Variants in XKR9 observed in about 807,000 individuals in gnomAD.
The protein encoded by XKR9 is XK related 9.
Under a neutral mutation model 32.0 loss-of-function variants are expected in XKR9, and 32 were observed. That is an observed-to-expected ratio of 1.00 (90% CI 0.76 to 1.34). XKR9 has a LOEUF of 1.34. Ranked by LOEUF, XKR9 falls within the 40% of genes most tolerant of loss-of-function variation. The pLI, the probability that XKR9 is intolerant of heterozygous loss-of-function variation, is 0.00. For missense variants in XKR9, 546 were observed against 429.7 expected, an observed-to-expected ratio of 1.27 and a Z score of -2.39; for synonymous variants, 168 against 143.4, an observed-to-expected ratio of 1.17 and a Z score of -1.22.
chr8:70,892,606 G>A, the XKR9 span, among the ~76,000 whole-genome samples: 33 of 152,170 alleles, frequency 2.2e-4, no homozygotes, highest in African/African-American at 7.7e-4. Flanking sequence ...AGCCTTGCTG[G>A]GTATAGTATT....
At chr8:70,905,490 C>G in the XKR9 span, among the ~76,000 whole-genome samples, 1 of 152,200 alleles carries the variant, frequency 6.6e-6, no homozygotes, top group Non-Finnish European at 1.5e-5. Context: ...AAGGTCTTCT[C>G]TACACTGTTT....
the XKR9 span, among the ~76,000 whole-genome samples, chr8:71,018,100 T>C: frequency 6.6e-6 from 1 of 152,196 alleles, no homozygotes; most frequent in Non-Finnish European, 1.5e-5. Flanking sequence ...AGTTAAAGTT[T>C]TCTTATGTCA....
chr8:70,930,149 A>G, the XKR9 span, among the ~76,000 whole-genome samples: 21 of 152,326 alleles, frequency 1.4e-4, no homozygotes, highest in East Asian at 4.0e-3. Context: ...TAAAAAATGT[A>G]GAAACCTGGG....
intron 2 of XKR9, among the ~76,000 whole-genome samples, chr8:70,746,921 T>A (rs1261077552): frequency 6.6e-6 from 1 of 152,186 alleles, no homozygotes. Context: ...CTCCTCCCTG[T>A]CTTCTCCCTT....
intron 3 of XKR9, among the ~76,000 whole-genome samples, chr8:70,693,444 C>G (rs1315640418): frequency 6.6e-6 from 1 of 152,164 alleles, no homozygotes; most frequent in East Asian, 1.9e-4. Context: ...GCTGTGTTCC[C>G]TGTCAGTGCT....
Position 70,669,497 on chromosome 8 carries a change from G to C in XKR9, c.-402G>C, listed in dbSNP as rs1818621547. 4.2e-6 allele frequency: 1 copy of C among 237,836 alleles called. No individual in the cohort carries two copies. The highest frequency in any genetic ancestry group is 2.3e-5 in the African/African-American group (1 of 42,854). 14.7% of individuals were successfully genotyped at this position (237,836 alleles called of 1,614,324 possible). A position where few individuals can be genotyped will look rare whatever the true frequency, so the allele number is the denominator to read the frequency against. On this transcript the variant is annotated 5_prime_UTR_variant, in exon 1 of 5. Coordinates refer to ENST00000408926, the MANE Select transcript of XKR9 (RefSeq NM_001011720.2). ...CAGGCGAGTGGATCCAAGTGGGCGA[G>C]AGACATTTTAATCTGGAAGAGTCTT...
the XKR9 span, among the ~76,000 whole-genome samples, chr8:70,888,145 C>G: frequency 6.6e-6 from 1 of 151,988 alleles, no homozygotes; most frequent in Non-Finnish European, 1.5e-5. Context: ...AACACTAGAA[C>G]TTATTCCAAC....
At chr8:70,926,066 C>T in the XKR9 span, among the ~76,000 whole-genome samples, 1 of 151,914 alleles carries the variant, frequency 6.6e-6, no homozygotes, top group East Asian at 1.9e-4. Context: ...ATATTATAAC[C>T]AATTTCTTTT....
the XKR9 span, among the ~76,000 whole-genome samples, chr8:70,867,188 A>G: frequency 1.3e-5 from 2 of 152,150 alleles, no homozygotes; most frequent in African/African-American, 4.8e-5. Context: ...AGAAGAGAGA[A>G]CTTGTGCAGG....
At chr8:70,741,840 C>T (rs111355482) in intron 2 of XKR9, among the ~76,000 whole-genome samples, 7 of 152,244 alleles carry the variant, frequency 4.6e-5, no homozygotes, top group African/African-American at 1.7e-4. Flanking sequence ...ATTTCTTGAT[C>T]ATATGGTGGT....
At chr8:70,980,701 T>C in the XKR9 span, among the ~76,000 whole-genome samples, 1 of 152,236 alleles carries the variant, frequency 6.6e-6, no homozygotes, top group Non-Finnish European at 1.5e-5. Flanking sequence ...GTTTTTCTTT[T>C]CCATTATGTT....
At chr8:70,821,612 G>A in the XKR9 span, among the ~76,000 whole-genome samples, 1 of 152,190 alleles carries the variant, frequency 6.6e-6, no homozygotes, top group Admixed American at 6.5e-5. Context: ...CTGAAATCTA[G>A]GTGGAGGTTC....
chr8:70,697,099 T>C (rs1199309608), intron 3 of XKR9, among the ~76,000 whole-genome samples: 1 of 150,858 alleles, frequency 6.6e-6, no homozygotes, highest in Non-Finnish European at 1.5e-5. Flanking sequence ...ACAATGGGGT[T>C]TTCTAGATAT....
the XKR9 span, among the ~76,000 whole-genome samples, chr8:70,946,362 A>G: frequency 1.3e-5 from 2 of 151,388 alleles, no homozygotes; most frequent in Non-Finnish European, 3.0e-5. Context: ...TGAAAGCACA[A>G]TTTTCAAAAC....
chr8:70,755,755 G>T (rs1194897110), intron 2 of XKR9, among the ~76,000 whole-genome samples: 1 of 124,430 alleles, frequency 8.0e-6, no homozygotes, highest in African/African-American at 3.1e-5. Flanking sequence ...TCTGGTGACT[G>T]TTGTGGGGTG....
At chr8:70,993,601 T>TCCTTCCTTCCTTCCTTCCTTC in the XKR9 span, among the ~76,000 whole-genome samples, 3 of 105,124 alleles carry the variant, frequency 2.9e-5, no homozygotes, top group African/African-American at 6.5e-5. Context: ...TCATAGGACA[T>TCCTTCCTTCCTTCCTTCCTTC]CTTCCTTCCT....
At chr8:70,904,807 G>T in the XKR9 span, among the ~76,000 whole-genome samples, 2 of 152,144 alleles carry the variant, frequency 1.3e-5, no homozygotes, top group Non-Finnish European at 2.9e-5. Flanking sequence ...CTCTTCTAAG[G>T]CAGGCCTGGT....
the XKR9 span, among the ~76,000 whole-genome samples, chr8:70,963,033 C>T: frequency 6.6e-6 from 1 of 152,078 alleles, no homozygotes; most frequent in Non-Finnish European, 1.5e-5. Flanking sequence ...CATAGGTAAA[C>T]ATGTGCCTTG....
chr8:70,875,431 G>T, the XKR9 span, among the ~76,000 whole-genome samples: 2 of 152,150 alleles, frequency 1.3e-5, no homozygotes, highest in Admixed American at 1.3e-4. Flanking sequence ...CATATTTTGT[G>T]TTCTCTTCAC....
Sources: allele counts gnomAD v4.1 joint callset (sites outside exome capture counted in the v4.1 genomes callset), GRCh38; gene constraint gnomAD v4.1.1; transcripts MANE v1.5; gene names NCBI Gene and HGNC (gene_info 2026-07-23, HGNC 2026-07-21).